RPL27A: variants seen among roughly 807,000 people sequenced by gnomAD.
The protein encoded by RPL27A is ribosomal protein L27a.
For missense variants in RPL27A, 118 were observed against 189.4 expected (o/e 0.62, Z 2.21); for synonymous variants, 69 against 68.3 (o/e 1.01, Z -0.05).
chr11:8,683,319 C>G (rs2039527699), intron 2 of RPL27A, 54 bp downstream of exon 2: 14 of 1,499,528 alleles, frequency 9.3e-6, no homozygotes, highest in Non-Finnish European at 9.3e-6. Context: ...GGGTGCTTAG[C>G]TAGTCTGGAG....
chr11:8,684,836 G>A lies in RPL27A; in HGVS notation c.262G>A (p.Val88Met). Residue 88 changes from valine (V) to methionine (M), a missense_variant, in exon 4 of 5, where the codon GTG becomes ATG. Coordinates refer to ENST00000314138, the MANE Select transcript of RPL27A (RefSeq NM_000990.5). ...LWTLVSEQTR[V>M]NAAKNKTGAA... ...GACTTTGGTCAGTGAACAGACACGGGTGAATGCTGCTAAAAACAAGACTGG... is the reference window on the plus strand; with the variant it reads ...GACTTTGGTCAGTGAACAGACACGGATGAATGCTGCTAAAAACAAGACTGG... 2.5e-6 allele frequency: 4 copies of A among 1,614,066 alleles called. No homozygotes were observed. Among genetic ancestry groups the A allele is most frequent in the Non-Finnish European group, 2.5e-6 (3 of 1,179,896 alleles).
Position 8,689,303 on chromosome 11 carries a change from G to A in RPL27A, c.*3497G>A, listed in dbSNP as rs1019565177. ...CAGAATTTGTCTCAATTGTCTAAAA[G>A]GTAATGAGCGTCAGCGACATTCAAG... On this transcript the variant is annotated 3_prime_UTR_variant, in exon 5 of 5. Transcript: ENST00000314138. 4 of 152,222 alleles carry A rather than the reference G, an allele frequency of 2.6e-5. No homozygotes were observed. The highest frequency in any genetic ancestry group is 2.0e-4 in the Admixed American group (3 of 15,292). 9.4% of individuals were successfully genotyped at this position (152,222 alleles called of 1,614,324 possible).
At chr11:8,682,902 A>C in intron 1 of RPL27A, 86 bp downstream of exon 1, 12 of 1,473,274 alleles carry the variant, frequency 8.1e-6, no homozygotes, top group Non-Finnish European at 1.1e-5. Flanking sequence ...TCCACTCCCT[A>C]CCATGGTCGG....
Position 8,685,858 on chromosome 11 carries a change from T to C in RPL27A, c.*52T>C, listed in dbSNP as rs1565592621. On this transcript the variant is annotated 3_prime_UTR_variant, in exon 5 of 5. Transcript: ENST00000314138. ...TGCTAACTACTTTTTCCTTGTGGTG[T>C]GAGTGTAGGTTCTTCAGTGGCACCT... 1 of 1,586,954 alleles carries C rather than the reference T, an allele frequency of 6.3e-7. No homozygotes were observed. The highest frequency in any genetic ancestry group is 2.2e-5 in the East Asian group (1 of 44,686).
intron 3 of RPL27A, 25 bp from the exon 4 acceptor site, chr11:8,684,693 G>C (rs1261421344): frequency 6.2e-7 from 1 of 1,607,358 alleles, no homozygotes; most frequent in Non-Finnish European, 8.5e-7. Context: ...GAGTGTGTAT[G>C]AAGGTGGTTG....
rs773424421 is a variant in RPL27A at position 8,685,484 on chromosome 11, CTAGA to C, written c.319-193_319-190del. 1.0e-4 allele frequency: 77 copies of C among 735,462 alleles called. 1 individual carries two copies. In the East Asian group the frequency reaches 2.0e-3, roughly 19 times the overall value. 45.6% of individuals were successfully genotyped at this position (735,462 alleles called of 1,614,324 possible). A position where few individuals can be genotyped will look rare whatever the true frequency, so the allele number is the denominator to read the frequency against. ...CTGACACAACTCTTGTCCTGGTGTG[CTAGA>C]GTACTCGAAGAGAATCTACTGGTCT... On this transcript the variant is annotated intron_variant, in intron 4 of 4. Transcript: ENST00000314138.
intron 3 of RPL27A, 140 bp from the exon 4 acceptor site, chr11:8,684,578 G>C: frequency 1.3e-6 from 1 of 743,810 alleles, no homozygotes; most frequent in Non-Finnish European, 2.3e-6. Context: ...AGTTGTTTAA[G>C]TCAACAGATG....
At position 8,688,024 on chromosome 11, in the gene RPL27A, C is replaced by G. The variant is rs1172031384; in HGVS notation, c.*2218C>G. 2 of 152,150 alleles carry G rather than the reference C, an allele frequency of 1.3e-5. No individual in the cohort carries two copies. Among genetic ancestry groups the G allele is most frequent in the Non-Finnish European group, 2.9e-5 (2 of 68,060 alleles). 9.4% of individuals were successfully genotyped at this position (152,150 alleles called of 1,614,324 possible). On this transcript the variant is annotated 3_prime_UTR_variant, in exon 5 of 5. Transcript: ENST00000314138. ...TGTGATTGTCAGTGGGAAATTGGTC[C>G]AAGCAGAGGGAATACTGGTTCAGGA...
In RPL27A at chr11:8,682,998, C is replaced by G. The variant is rs570193399; in HGVS notation, c.3+182C>G. The G allele has an allele frequency of 5.0e-4, 458 of 910,776 alleles. 3 individuals are homozygous for G. Among genetic ancestry groups the G allele is most frequent in the Middle Eastern group, 2.5e-3 (11 of 4,392 alleles). 56.4% of individuals were successfully genotyped at this position (910,776 alleles called of 1,614,324 possible). A position where few individuals can be genotyped will look rare whatever the true frequency, so the allele number is the denominator to read the frequency against. ...GGCTCCCGGAGCCGTGTGTTAGGCC[C>G]GCGGTTCGGATCTCTAGGACACGCG... On this transcript the variant is annotated intron_variant, in intron 1 of 4. Transcript: ENST00000314138.
rs749615203 is a variant in RPL27A at position 8,684,382 on chromosome 11, GT to G, written c.143+302del. ...TTCACATTCACCTACCCACAAACTAGTGGATGATAAATTTTGGCTATTCAGA... is the reference window on the plus strand; with the variant it reads ...TTCACATTCACCTACCCACAAACTAGGGATGATAAATTTTGGCTATTCAGA... On this transcript the variant is annotated intron_variant, in intron 3 of 4. Coordinates refer to ENST00000314138, the MANE Select transcript of RPL27A (RefSeq NM_000990.5). The G allele has an allele frequency of 8.3e-6, 6 of 721,112 alleles. No individual in the cohort carries two copies. In the Admixed American group the frequency reaches 1.0e-4, roughly 13 times the overall value. 44.7% of individuals were successfully genotyped at this position (721,112 alleles called of 1,614,324 possible). A position where few individuals can be genotyped will look rare whatever the true frequency, so the allele number is the denominator to read the frequency against.
chr11:8,687,580 A>G lies in RPL27A; in HGVS notation c.*1774A>G, dbSNP rs959190334. 5 of 152,226 alleles carry G rather than the reference A, an allele frequency of 3.3e-5. No homozygotes were observed. Among genetic ancestry groups the G allele is most frequent in the Admixed American group, 6.5e-5 (1 of 15,282 alleles). 9.4% of individuals were successfully genotyped at this position (152,226 alleles called of 1,614,324 possible). A position where few individuals can be genotyped will look rare whatever the true frequency, so the allele number is the denominator to read the frequency against. On this transcript the variant is annotated 3_prime_UTR_variant, in exon 5 of 5. Coordinates refer to ENST00000314138, the MANE Select transcript of RPL27A (RefSeq NM_000990.5). ...TTTCCTCATCTTTAAAATTTCAGTG[A>G]AAGTGCCTACCTGAGGATTGTGTAG...
At position 8,688,635 on chromosome 11, in the gene RPL27A, C is replaced by T. The variant is rs1565593745; in HGVS notation, c.*2829C>T. 1 of 152,174 alleles carries T rather than the reference C, an allele frequency of 6.6e-6. No individual in the cohort carries two copies. The highest frequency in any genetic ancestry group is 1.5e-5 in the Non-Finnish European group (1 of 68,048). 9.4% of individuals were successfully genotyped at this position (152,174 alleles called of 1,614,324 possible). ...TAATTTCTGGTCTAATGTATATATG[C>T]CTTAAATATAGTTGCGTTCAAACGT... On this transcript the variant is annotated 3_prime_UTR_variant, in exon 5 of 5. Coordinates refer to ENST00000314138, the MANE Select transcript of RPL27A (RefSeq NM_000990.5).
intron 1 of RPL27A, 108 bp from the exon 2 acceptor site, chr11:8,683,094 C>T (rs75984823): frequency 0.021 from 25,806 of 1,224,140 alleles, 329 homozygotes; most frequent in Non-Finnish European, 0.027. Flanking sequence ...CCCAAACGCT[C>T]CAGAAGTTAG....
chr11:8,685,213 C>G (rs576948464), intron 4 of RPL27A: 14 of 443,124 alleles, frequency 3.2e-5, no homozygotes, highest in South Asian at 2.9e-4. Flanking sequence ...AAGAGATTTT[C>G]CCCCAAAACA....
At chr11:8,685,513 T>C in intron 4 of RPL27A, 165 bp from the exon 5 acceptor site, 1 of 779,104 alleles carries the variant, frequency 1.3e-6, no homozygotes, top group South Asian at 1.3e-5. Context: ...TCTACTGGTC[T>C]TGATTCACTG....
At position 8,685,447 on chromosome 11, in the gene RPL27A, T is replaced by A. The variant is rs150717633; in HGVS notation, c.319-231T>A. 272 of 693,924 alleles carry A rather than the reference T, an allele frequency of 3.9e-4. 1 individual carries two copies. Among genetic ancestry groups the A allele is most frequent in the Middle Eastern group, 7.7e-4 (3 of 3,876 alleles). 43.0% of individuals were successfully genotyped at this position (693,924 alleles called of 1,614,324 possible). A position where few individuals can be genotyped will look rare whatever the true frequency, so the allele number is the denominator to read the frequency against. ...GAGGAGGCTTATGCTTTGCCGAGAC[T>A]AGAGTCACATCCTGACACAACTCTT... On this transcript the variant is annotated intron_variant, in intron 4 of 4. Transcript: ENST00000314138.
At chr11:8,684,655 A>T in intron 3 of RPL27A, 63 bp from the exon 4 acceptor site, 1 of 1,408,698 alleles carries the variant, frequency 7.1e-7, no homozygotes, top group Non-Finnish European at 1.0e-6. Context: ...TGGTAACTAT[A>T]AAGATGATAA....
chr11:8,683,207 C>T lies in RPL27A; in HGVS notation c.9C>T (p.Ser3=). 1 of 1,614,228 alleles carries T rather than the reference C, an allele frequency of 6.2e-7. No homozygotes were observed. Among genetic ancestry groups the T allele is most frequent in the Non-Finnish European group, 8.5e-7 (1 of 1,180,024 alleles). The change falls in exon 2 of 5, where the codon TCC becomes TCT. Residue 3 remains serine (S), a synonymous_variant. Transcript: ENST00000314138. ...ACCAAGCTTTTTCCACACAGCCATCCAGACTGAGGAAGACCCGGAAACTTA... is the reference window on the plus strand; with the variant it reads ...ACCAAGCTTTTTCCACACAGCCATCTAGACTGAGGAAGACCCGGAAACTTA... MP[S]RLRKTRKLRG...
chr11:8,684,929 T>G (rs763647672), intron 4 of RPL27A, 37 bp downstream of exon 4: 110 of 1,598,492 alleles, frequency 6.9e-5, no homozygotes, highest in Middle Eastern at 3.3e-4. Context: ...CTTCCATACC[T>G]TCCCTTACAA....
Sources: gnomAD v4.1 joint callset for allele counts on GRCh38, gnomAD v4.1.1 for gene constraint, MANE v1.5 for transcripts, NCBI Gene and HGNC (gene_info 2026-07-23, HGNC 2026-07-21) for gene names.